Variants in ZNF658 observed in about 807,000 individuals in gnomAD.
ZNF658 encodes the protein zinc finger protein 658.
Under a neutral mutation model 78.0 loss-of-function variants are expected in ZNF658, and 46 were observed. The ratio of observed to expected loss-of-function variants is 0.59; its 90% confidence interval spans 0.47 to 0.75. The LOEUF is 0.75. ZNF658 is among the 30% of genes least tolerant of loss of function. ZNF658 has a pLI of 0.00. For missense variants in ZNF658, 785 were observed against 1,189.3 expected, an observed-to-expected ratio of 0.66 and a Z score of 5.00; for synonymous variants, 279 against 408.4, an observed-to-expected ratio of 0.68 and a Z score of 3.82.
intron 4 of ZNF658, among the ~76,000 whole-genome samples, chr9:66,917,289 T>C (rs1822357676): frequency 6.8e-6 from 1 of 146,152 alleles, no homozygotes; most frequent in African/African-American, 2.6e-5. Flanking sequence ...AAGGGGTTAC[T>C]ACTCCACCTT....
chr9:66,915,513 G>T (rs1264391521), intron 4 of ZNF658, among the ~76,000 whole-genome samples: 1 of 150,934 alleles, frequency 6.6e-6, no homozygotes, highest in Non-Finnish European at 1.5e-5. Context: ...TAAACCAGAA[G>T]AGGTCTTCAC....
downstream of ZNF658, among the ~76,000 whole-genome samples, chr9:66,925,521 T>G (rs1822577467): frequency 6.6e-6 from 1 of 151,884 alleles, no homozygotes; most frequent in East Asian, 1.9e-4. Context: ...ACATACAACC[T>G]ACCAAGAGTG....
Position 66,919,041 on chromosome 9 carries a change from A to G in ZNF658, c.1475A>G (p.Glu492Gly), listed in dbSNP as rs1158404529. 1 of 746,854 alleles carries G rather than the reference A, an allele frequency of 1.3e-6. No homozygotes were observed. Among genetic ancestry groups the G allele is most frequent in the South Asian group, 1.8e-5 (1 of 56,338 alleles). 46.3% of individuals were successfully genotyped at this position (746,854 alleles called of 1,614,324 possible). ...IGHQKTDAEM[E>G]LCGGSEYGKT... ...CACCAGAAAACAGATGCAGAGATGGAACTCTGTGGTGGCAGTGAATATGGG... is the reference window on the plus strand; with the variant it reads ...CACCAGAAAACAGATGCAGAGATGGGACTCTGTGGTGGCAGTGAATATGGG... Residue 492 changes from glutamate (E) to glycine (G), a missense_variant, in exon 5 of 5, where the codon GAA becomes GGA. Transcript: ENST00000621410.
At chr9:66,928,696 C>CAAA (rs61272144) in intron 6 of ZNF658, among the ~76,000 whole-genome samples, 5 of 129,112 alleles carry the variant, frequency 3.9e-5, no homozygotes, top group East Asian at 2.2e-4. Context: ...ACTAAAAATA[C>CAAA]AAAAAAAAAA....
At chr9:66,903,161 A>G (rs918823235) in intron 1 of ZNF658, 210 of 200,436 alleles carry the variant, frequency 1.0e-3, no homozygotes, top group Non-Finnish European at 1.6e-3. Context: ...AATCAACATA[A>G]TTATTAGTAA....
chr9:66,904,315 C>T (rs1045670222), intron 2 of ZNF658, among the ~76,000 whole-genome samples: 6 of 151,934 alleles, frequency 3.9e-5, no homozygotes, highest in South Asian at 2.1e-4. Flanking sequence ...TTGGCTTTTC[C>T]GCAGCACTTG....
chr9:66,930,736 G>A (rs1211344738), intron 6 of ZNF658, among the ~76,000 whole-genome samples: 1 of 151,796 alleles, frequency 6.6e-6, no homozygotes, highest in Non-Finnish European at 1.5e-5. Flanking sequence ...GGTTGACTTT[G>A]CTGGGTTTTC....
At chr9:66,908,561 T>G (rs1822135532) in intron 3 of ZNF658, 78 bp from the exon 4 acceptor site, 1 of 1,510,030 alleles carries the variant, frequency 6.6e-7, no homozygotes, top group Non-Finnish European at 8.9e-7. Flanking sequence ...CAGTTAATGC[T>G]TTGCTGCCAT....
Position 66,920,383 on chromosome 9 carries a change from A to T in ZNF658, c.2817A>T (p.Glu939Asp), listed in dbSNP as rs781750477. The change falls in exon 5 of 5, where the codon GAA becomes GAT. Residue 939 changes from glutamate (E) to aspartate (D), a missense_variant. Around this residue, in one of 12 missense-constraint regions of ZNF658, gnomAD observed 85 missense variants for 108.6 expected, o/e 0.78. Coordinates refer to ENST00000621410, the MANE Select transcript of ZNF658 (RefSeq NM_033160.7). The part of the protein sequence containing the change: ...QRVHTGEKPY[E>D]CNVCGKPFAH... The stretch of plus-strand genomic sequence containing the variant: ...TTCATACGGGGGAGAAACCCTACGA[A>T]TGTAATGTATGTGGGAAGCCATTTG... The T allele has an allele frequency of 6.2e-7, 1 of 1,612,746 alleles. No individual in the cohort carries two copies. The highest frequency in any genetic ancestry group is 8.5e-7 in the Non-Finnish European group (1 of 1,179,798).
At chr9:66,908,541 T>G in intron 3 of ZNF658, 98 bp from the exon 4 acceptor site, 1 of 1,467,266 alleles carries the variant, frequency 6.8e-7, no homozygotes, top group Non-Finnish European at 9.1e-7. Context: ...AAATTTCAAA[T>G]GAACACCCTC....
intron 2 of ZNF658, among the ~76,000 whole-genome samples, chr9:66,904,635 T>C (rs1822031936): frequency 6.6e-6 from 1 of 152,152 alleles, no homozygotes; most frequent in Admixed American, 6.5e-5. Flanking sequence ...ATCACTGCAG[T>C]CAATTTTAGA....
chr9:66,927,423 A>G (rs1235692977), intron 6 of ZNF658, among the ~76,000 whole-genome samples: 1 of 152,134 alleles, frequency 6.6e-6, no homozygotes, highest in Non-Finnish European at 1.5e-5. Flanking sequence ...TGGTGCATTT[A>G]CTATGGGAAA....
chr9:66,908,391 C>G, intron 3 of ZNF658, 27 bp downstream of exon 3: 1 of 1,613,892 alleles, frequency 6.2e-7, no homozygotes, highest in Non-Finnish European at 8.5e-7. Context: ...ATGGGGCTCT[C>G]TCGAGAATAT....
At chr9:66,922,965 G>A (rs1822549955), downstream of ZNF658, among the ~76,000 whole-genome samples, 1 of 151,782 alleles carries the variant, frequency 6.6e-6, no homozygotes, top group Non-Finnish European at 1.5e-5. Flanking sequence ...GTGTATTAGG[G>A]TTCTCTAGTG....
chr9:66,908,482 T>C, intron 3 of ZNF658, 118 bp downstream of exon 3: 1 of 1,518,652 alleles, frequency 6.6e-7, no homozygotes, highest in Non-Finnish European at 8.8e-7. Context: ...TTTGAAGTAG[T>C]TGAAACCTTT....
In ZNF658 at chr9:66,906,287, A is replaced by G. The variant is rs2117962553; in HGVS notation, c.16-1951A>G. Among the ~76,000 whole-genome samples, 3 of 151,242 alleles carry G rather than the reference A, an allele frequency of 2.0e-5. No homozygotes were observed. In the East Asian group the frequency reaches 5.8e-4, roughly 29 times the overall value. On this transcript the variant is annotated intron_variant, in intron 2 of 4. Transcript: ENST00000621410. ...TTAGGGTCACCCAGGGTGACAGTTT[A>G]GGGCCTTCTCACATCTTTCCAGAGC...
At chr9:66,917,215 CT>C (rs1165825768) in intron 4 of ZNF658, among the ~76,000 whole-genome samples, 1 of 79,910 alleles carries the variant, frequency 1.3e-5, no homozygotes, top group African/African-American at 5.9e-5. Flanking sequence ...ATTTGTTAAT[CT>C]TTTTTTGTTG....
intron 4 of ZNF658, among the ~76,000 whole-genome samples, chr9:66,909,621 T>C (rs1366867677): frequency 6.6e-6 from 1 of 152,084 alleles, no homozygotes; most frequent in Non-Finnish European, 1.5e-5. Flanking sequence ...TCTGTGTCTT[T>C]ATCTGTTTGA....
intron 4 of ZNF658, among the ~76,000 whole-genome samples, chr9:66,910,562 A>G (rs895980607): frequency 4.6e-5 from 7 of 151,996 alleles, no homozygotes; most frequent in African/African-American, 1.4e-4. Flanking sequence ...TAATCCCAGC[A>G]CTTTGGGAGG....
Sources: allele counts gnomAD v4.1 joint callset (sites outside exome capture counted in the v4.1 genomes callset), GRCh38; gene constraint gnomAD v4.1.1; regional missense constraint gnomAD v4.1.1; transcripts MANE v1.5; gene names NCBI Gene and HGNC (gene_info 2026-07-23, HGNC 2026-07-21).